ARHGEF26: variants seen among roughly 807,000 people sequenced by gnomAD.
The protein encoded by ARHGEF26 is Rho guanine nucleotide exchange factor 26, also known as Rho guanine nucleotide exchange factor (GEF) 26.
Under a neutral mutation model 89.4 loss-of-function variants are expected in ARHGEF26, and 59 were observed. The ratio of observed to expected loss-of-function variants is 0.66; its 90% CI spans 0.54 to 0.82. The LOEUF (loss-of-function observed/expected upper bound fraction) is 0.82, where lower values mean the gene tolerates loss of function less well. ARHGEF26 is among the 40% of genes least tolerant of loss of function. ARHGEF26 has a pLI of 0.00. For synonymous variants in ARHGEF26, 500 were observed against 428.4 expected, an observed-to-expected ratio of 1.17 and a Z score of -2.06; for missense variants, 1,234 against 1,085.6, an observed-to-expected ratio of 1.14 and a Z score of -1.92.
intron 9 of ARHGEF26, among the ~76,000 whole-genome samples, chr3:154,207,363 A>G (rs993287497): frequency 6.6e-6 from 1 of 152,178 alleles, no homozygotes; most frequent in Non-Finnish European, 1.5e-5. Flanking sequence ...GCATCTGACA[A>G]AGGTCTAATA....
intron 4 of ARHGEF26, among the ~76,000 whole-genome samples, chr3:154,144,766 C>G (rs1449077537): frequency 6.6e-6 from 1 of 152,090 alleles, no homozygotes; most frequent in East Asian, 1.9e-4. Context: ...TGAGTACTTG[C>G]TATTTCTTGA....
At chr3:154,218,039 G>C in intron 10 of ARHGEF26, 81 bp downstream of exon 10, 1 of 1,247,586 alleles carries the variant, frequency 8.0e-7, no homozygotes, top group Non-Finnish European at 1.1e-6. Context: ...CAACAAAGTA[G>C]ATAGGAAATT....
rs896170435 is a variant in ARHGEF26 at position 154,257,534 on chromosome 3, T to TAAAC, written c.*2063_*2066dup. 8 of 152,368 alleles carry TAAAC rather than the reference T, an allele frequency of 5.3e-5. No individual in the cohort carries two copies. Among genetic ancestry groups the TAAAC allele is most frequent in the Non-Finnish European group, 1.0e-4 (7 of 68,048 alleles). The allele number at this position is 152,368 out of a possible 1,614,324, so 9.4% of individuals were successfully genotyped here. A position where few individuals can be genotyped will look rare whatever the true frequency, so the allele number is the denominator to read the frequency against. On this transcript the variant is annotated 3_prime_UTR_variant, in exon 15 of 15. Transcript: ENST00000465093. ...CCTGTGAATTAATTTATAAGAATGT[T>TAAAC]AAACAGCTTTGGAAATACATGCATC...
At chr3:154,194,598 T>A (rs1386349477) in intron 8 of ARHGEF26, 46 bp from the exon 9 acceptor site, 2 of 1,375,230 alleles carry the variant, frequency 1.5e-6, no homozygotes, top group South Asian at 1.2e-5. Flanking sequence ...TTATTTTACT[T>A]AATAAAATAG....
chr3:154,226,660 T>TACACACACACACAC lies in ARHGEF26; in HGVS notation c.2090+673_2090+686dup, dbSNP rs3029724. 3.7e-3 allele frequency among the ~76,000 whole-genome samples: 548 copies of TACACACACACACAC among 148,150 alleles called. 2 individuals carry two copies. Among genetic ancestry groups the TACACACACACACAC allele is most frequent in the Middle Eastern group, 0.017 (5 of 286 alleles). ...TTCTTCTGTCAGACTGTTTCTGTTC[T>TACACACACACACAC]ACACACACACACACACACACACACA... On this transcript the variant is annotated intron_variant, in intron 11 of 14. Transcript: ENST00000465093.
chr3:154,253,027 G>A, intron 12 of ARHGEF26, 89 bp from the exon 13 acceptor site: 1 of 1,400,330 alleles, frequency 7.1e-7, no homozygotes, highest in Middle Eastern at 1.8e-4. Flanking sequence ...TTGTTTTCTG[G>A]GAGTGCCTTT....
In ARHGEF26 at chr3:154,189,086, C is replaced by T. The variant is rs146648983; in HGVS notation, c.1640+1249C>T. Among the ~76,000 whole-genome samples, 661 of 152,168 alleles carry T rather than the reference C, an allele frequency of 4.3e-3. 5 individuals are homozygous for T. The highest frequency in any genetic ancestry group is 0.015 in the African/African-American group (632 of 41,526). On this transcript the variant is annotated intron_variant, in intron 7 of 14. Transcript: ENST00000465093. ...CACTCCACCACGCCCTGGTGGGAAC[C>T]GCTGCTATAGGAACAGAGGTTCTCT...
chr3:154,223,195 A>G (rs1485108320), intron 10 of ARHGEF26, among the ~76,000 whole-genome samples: 2 of 152,136 alleles, frequency 1.3e-5, no homozygotes, highest in African/African-American at 4.8e-5. Context: ...GAGTGGTGGT[A>G]TGTTAGTTGA....
chr3:154,250,392 G>T (rs981359864), intron 12 of ARHGEF26, among the ~76,000 whole-genome samples: 1 of 151,314 alleles, frequency 6.6e-6, no homozygotes, highest in East Asian at 1.9e-4. Context: ...AGAGGGGGGG[G>T]TGGGACTCAC....
intron 9 of ARHGEF26, among the ~76,000 whole-genome samples, chr3:154,203,356 T>C (rs957721189): frequency 6.6e-6 from 1 of 151,892 alleles, no homozygotes; most frequent in Non-Finnish European, 1.5e-5. Context: ...GCCCACTTGA[T>C]CATGGTGGAT....
chr3:154,192,406 A>G (rs768085440), intron 8 of ARHGEF26, among the ~76,000 whole-genome samples: 44 of 152,240 alleles, frequency 2.9e-4, no homozygotes, highest in Admixed American at 5.2e-4. Context: ...AAAGCATGGA[A>G]TCATGAGCAT....
chr3:154,254,853 C>T (rs756032219), intron 14 of ARHGEF26, 29 bp downstream of exon 14: 3 of 1,588,502 alleles, frequency 1.9e-6, no homozygotes, highest in Non-Finnish European at 1.7e-6. Flanking sequence ...ATGGGACACT[C>T]GTGGTCCAGG....
At chr3:154,129,497 A>G in intron 3 of ARHGEF26, 77 bp from the exon 4 acceptor site, 2 of 1,466,074 alleles carry the variant, frequency 1.4e-6, no homozygotes, top group East Asian at 2.4e-5. Context: ...AACATTGGGT[A>G]CATATGATGT....
intron 10 of ARHGEF26, among the ~76,000 whole-genome samples, chr3:154,220,850 G>C (rs1187574211): frequency 6.6e-6 from 1 of 152,134 alleles, no homozygotes; most frequent in East Asian, 1.9e-4. Flanking sequence ...TCTCTATAGA[G>C]GGAAAAAGAC....
At chr3:154,166,166 G>T (rs1712013843) in intron 6 of ARHGEF26, among the ~76,000 whole-genome samples, 1 of 152,076 alleles carries the variant, frequency 6.6e-6, no homozygotes, top group African/African-American at 2.4e-5. Flanking sequence ...CTCAGTAGGA[G>T]AATCTACTAC....
chr3:154,193,069 C>T (rs1335220872), intron 8 of ARHGEF26, among the ~76,000 whole-genome samples: 3 of 151,978 alleles, frequency 2.0e-5, no homozygotes, highest in African/African-American at 4.8e-5. Context: ...CCTTGAGATT[C>T]TGAGTAAAGC....
chr3:154,220,168 A>G (rs1425729188), intron 10 of ARHGEF26, among the ~76,000 whole-genome samples: 3 of 152,214 alleles, frequency 2.0e-5, no homozygotes, highest in Non-Finnish European at 4.4e-5. Flanking sequence ...AATGATGATA[A>G]AATAGAGGTT....
At chr3:154,132,723 A>C (rs935274043) in intron 4 of ARHGEF26, among the ~76,000 whole-genome samples, 1 of 152,010 alleles carries the variant, frequency 6.6e-6, no homozygotes, top group African/African-American at 2.4e-5. Context: ...TTAATATGTA[A>C]TATATAAATA....
intron 6 of ARHGEF26, among the ~76,000 whole-genome samples, chr3:154,160,542 A>G (rs1399865332): frequency 6.6e-6 from 1 of 152,146 alleles, no homozygotes; most frequent in African/African-American, 2.4e-5. Context: ...CAACAGCTAC[A>G]ATATTTTGGA....
Sources: allele counts gnomAD v4.1 joint callset (sites outside exome capture counted in the v4.1 genomes callset), GRCh38; gene constraint gnomAD v4.1.1; transcripts MANE v1.5; gene names NCBI Gene and HGNC (gene_info 2026-07-23, HGNC 2026-07-21).